The following GATAD2A variants were observed in gnomAD, a reference collection of about 807,000 sequenced individuals.
GATAD2A encodes the protein transcriptional repressor p66-alpha.
Under a neutral mutation model 68.5 loss-of-function variants are expected in GATAD2A, and 12 were observed. The observed-to-expected ratio is 0.18, with a 90% confidence interval of 0.11 to 0.28. The LOEUF (loss-of-function observed/expected upper bound fraction) is 0.28. Ranked by LOEUF, GATAD2A falls within the 10% of genes least tolerant of loss-of-function variation. The pLI, the probability that GATAD2A is intolerant of heterozygous loss-of-function variation, is 1.00. For synonymous variants in GATAD2A, 410 were observed against 375.3 expected (o/e 1.09, Z -1.07); for missense variants, 755 against 868.5 (o/e 0.87, Z 1.64).
intron 1 of GATAD2A, among the ~76,000 whole-genome samples, chr19:19,408,342 A>G (rs1182858300): frequency 2.0e-5 from 3 of 152,202 alleles, no homozygotes; most frequent in African/African-American, 2.4e-5. Flanking sequence ...AGTCATCTCT[A>G]TTAATGCAGT....
chr19:19,435,128 C>A, intron 1 of GATAD2A: 1 of 533,086 alleles, frequency 1.9e-6, no homozygotes, highest in Non-Finnish European at 3.9e-6. Context: ...TGGGCATGAT[C>A]CAGGAACCTG....
chr19:19,392,211 G>T lies in GATAD2A; in HGVS notation c.-7+6073G>T, dbSNP rs1029103186. On this transcript the variant is annotated intron_variant, in intron 1 of 11. Transcript: ENST00000360315. ...AGTGATCCTCCCACCTCAGCCTCTT[G>T]AGTAGCTGGGACTACAGGCATGCGC... Among the ~76,000 whole-genome samples, 11 of 148,426 alleles carry T rather than the reference G, an allele frequency of 7.4e-5. No individual in the cohort carries two copies. The Admixed American group carries it at 7.6e-4, about 10-fold the overall frequency.
At chr19:19,427,701 G>A (rs2053263534) in intron 1 of GATAD2A, 1 of 156,352 alleles carries the variant, frequency 6.4e-6, no homozygotes, top group Admixed American at 6.5e-5. Flanking sequence ...TTTAGATGGA[G>A]TCTTATTCTG....
In GATAD2A at chr19:19,502,367, C is replaced by T. The variant is rs756581377; in HGVS notation, c.1615C>T (p.Pro539Ser). ...GCTGTCCCGGGGTTCGGCCACGACG[C>T]CCCGAGGTGTCCTGCACACGTTCAG... ...SQLSRGSATT[P>S]RGVLHTFSPS... The change falls in exon 11 of 12, where the codon CCC (proline) becomes TCC (serine). Residue 539 changes from proline to serine, a missense_variant. By Grantham distance (74) the Pro-to-Ser change is moderately conservative. Transcript: ENST00000683918. 31 of 1,613,256 alleles carry T rather than the reference C, an allele frequency of 1.9e-5. No individual in the cohort carries two copies. Among genetic ancestry groups the T allele is most frequent in the Non-Finnish European group, 2.5e-5 (29 of 1,179,820 alleles).
intron 7 of GATAD2A, among the ~76,000 whole-genome samples, chr19:19,497,406 C>T (rs754771162): frequency 2.0e-5 from 3 of 152,222 alleles, no homozygotes; most frequent in Non-Finnish European, 4.4e-5. Flanking sequence ...CACCCGTGAA[C>T]TTTTATCCAG....
chr19:19,495,930 G>A (rs755074555), intron 6 of GATAD2A, 45 bp downstream of exon 6: 2 of 1,599,224 alleles, frequency 1.3e-6, no homozygotes, highest in South Asian at 2.2e-5. Flanking sequence ...AGCCTCAGCA[G>A]TCGTCTACCT....
intron 2 of GATAD2A, among the ~76,000 whole-genome samples, chr19:19,478,343 G>A (rs1476381213): frequency 6.6e-6 from 1 of 152,216 alleles, no homozygotes; most frequent in African/African-American, 2.4e-5. Context: ...GCTTACGCCT[G>A]TAATCCCAGC....
chr19:19,446,596 A>G (rs1260663507), intron 1 of GATAD2A, among the ~76,000 whole-genome samples: 1 of 152,124 alleles, frequency 6.6e-6, no homozygotes, highest in Non-Finnish European at 1.5e-5. Context: ...CTGTTTGCCA[A>G]ACACCAAGTC....
intron 1 of GATAD2A, among the ~76,000 whole-genome samples, chr19:19,418,236 C>T (rs541929821): frequency 1.3e-5 from 2 of 152,286 alleles, no homozygotes; most frequent in East Asian, 3.9e-4. Flanking sequence ...TCAGGACCTT[C>T]ATGAATGAAG....
intron 1 of GATAD2A, among the ~76,000 whole-genome samples, chr19:19,388,834 C>G (rs916446933): frequency 1.3e-5 from 2 of 152,066 alleles, no homozygotes; most frequent in African/African-American, 4.8e-5. Context: ...TTCATCTCTT[C>G]CTGTTGCATT....
intron 1 of GATAD2A, among the ~76,000 whole-genome samples, chr19:19,434,566 C>G (rs1188929455): frequency 1.3e-5 from 2 of 152,182 alleles, no homozygotes; most frequent in Non-Finnish European, 2.9e-5. Context: ...TCAGAGCAAG[C>G]TCCTGGTAGT....
intron 2 of GATAD2A, chr19:19,474,255 A>G (rs2058518185): frequency 1.5e-6 from 1 of 689,620 alleles, no homozygotes; most frequent in South Asian, 6.6e-5. Flanking sequence ...AACCCCGACA[A>G]CCACGTGAGC....
At chr19:19,421,470 A>G (rs1292766509) in intron 1 of GATAD2A, among the ~76,000 whole-genome samples, 3 of 152,078 alleles carry the variant, frequency 2.0e-5, no homozygotes, top group African/African-American at 7.2e-5. Context: ...CTTCAGTGAC[A>G]CTTTGTGGTT....
At chr19:19,396,931 A>G (rs2049295228) in intron 1 of GATAD2A, among the ~76,000 whole-genome samples, 1 of 150,870 alleles carries the variant, frequency 6.6e-6, no homozygotes, top group South Asian at 2.1e-4. Flanking sequence ...CTGGTCTCAA[A>G]CTCCTGACCT....
intron 1 of GATAD2A, among the ~76,000 whole-genome samples, chr19:19,444,358 G>A (rs2055447522): frequency 6.6e-6 from 1 of 152,132 alleles, no homozygotes; most frequent in African/African-American, 2.4e-5. Context: ...CAGTGTGTGA[G>A]GGACTTCAAC....
At chr19:19,429,322 T>C in intron 1 of GATAD2A, 1 of 713,884 alleles carries the variant, frequency 1.4e-6, no homozygotes, top group Non-Finnish European at 1.7e-6. Context: ...GGAGGGGCTC[T>C]CCTGGCCATG....
chr19:19,401,133 C>CT (rs1162403190), upstream of GATAD2A, among the ~76,000 whole-genome samples: 1 of 107,496 alleles, frequency 9.3e-6, no homozygotes, highest in Non-Finnish European at 1.8e-5. Flanking sequence ...GAGCGAGACT[C>CT]TGTCTCAAAA....
At chr19:19,464,399 C>T (rs977617602) in intron 1 of GATAD2A, among the ~76,000 whole-genome samples, 3 of 152,204 alleles carry the variant, frequency 2.0e-5, no homozygotes, top group South Asian at 4.1e-4. Flanking sequence ...ACGTCGAGGC[C>T]GGGATTAGAG....
At chr19:19,477,320 A>G (rs187114287) in intron 2 of GATAD2A, among the ~76,000 whole-genome samples, 13 of 152,154 alleles carry the variant, frequency 8.5e-5, no homozygotes, top group African/African-American at 1.4e-4. Flanking sequence ...TTTAGAGCTT[A>G]TATCTTTAAA....
Sources: allele counts gnomAD v4.1 joint callset (sites outside exome capture counted in the v4.1 genomes callset), GRCh38; gene constraint gnomAD v4.1.1; transcripts MANE v1.5; gene names NCBI Gene and HGNC (gene_info 2026-07-23, HGNC 2026-07-21).